TBXT: variants seen among roughly 807,000 people sequenced by gnomAD.
TBXT encodes T-box transcription factor T.
TBXT carries 19 observed loss-of-function variants against 41.1 expected under a neutral mutation model. The ratio of observed to expected loss-of-function variants is 0.46; its 90% CI spans 0.32 to 0.68. The LOEUF is 0.68. TBXT is among the 30% of genes least tolerant of loss of function. TBXT has a pLI of 0.03. For synonymous variants in TBXT, 213 were observed against 238.9 expected (o/e 0.89, Z 1.00); for missense variants, 536 against 582.0 (o/e 0.92, Z 0.81).
Position 166,157,959 on chromosome 6 carries a change from T to G in TBXT, c.*356A>C. On this transcript the variant is annotated 3_prime_UTR_variant, in exon 8 of 8. Transcript: ENST00000366876. Reference sequence around the variant, plus strand: ...AAGTAGGACTGGTGGAGTTTACAAATTCTGGTGTGCCAAAGTTGCCAATAC... The same window carrying G: ...AAGTAGGACTGGTGGAGTTTACAAAGTCTGGTGTGCCAAAGTTGCCAATAC... 2.6e-6 allele frequency: 1 copy of G among 378,518 alleles called. No homozygotes were observed. The highest frequency in any genetic ancestry group is 5.0e-6 in the Non-Finnish European group (1 of 200,790). 23.4% of individuals were successfully genotyped at this position (378,518 alleles called of 1,614,324 possible).
Position 166,166,743 on chromosome 6 carries a change from C to G in TBXT, c.320G>C (p.Gly107Ala). 1.9e-6 allele frequency: 3 copies of G among 1,613,832 alleles called. No homozygotes were observed. The highest frequency in any genetic ancestry group is 2.5e-6 in the Non-Finnish European group (3 of 1,180,044). ...ADNHRWKYVN[G>A]EWVPGGKPEP... is the part of the protein sequence containing the mutation. The stretch of plus-strand genomic sequence containing the variant: ...CGGCTTGCCCCCCGGCACCCATTCC[C>G]CGTTCACGTACTTCCAGCGGTGGTT... Residue 107 changes from glycine to alanine, a missense_variant, in exon 2 of 8, where the codon GGG (glycine) becomes GCG (alanine). Coordinates refer to ENST00000366876, the MANE Select transcript of TBXT (RefSeq NM_001366285.2).
At chr6:166,161,877 C>A (rs1778967182) in intron 6 of TBXT, among the ~76,000 whole-genome samples, 2 of 152,190 alleles carry the variant, frequency 1.3e-5, no homozygotes, top group South Asian at 2.1e-4. Context: ...GAGCCGAGAT[C>A]GTGCGACTGC....
rs767203205 is a variant in TBXT, at chr6:166,157,940, G to T, written c.*375C>A. 5.5e-6 allele frequency: 2 copies of T among 366,470 alleles called. No individual in the cohort carries two copies. Among genetic ancestry groups the T allele is most frequent in the Non-Finnish European group, 1.0e-5 (2 of 193,076 alleles). The allele number at this position is 366,470 out of a possible 1,614,324, so 22.7% of individuals were successfully genotyped here. The stretch of plus-strand genomic sequence containing the variant: ...TGTGCTTTTTATCTCACTAAAGTAG[G>T]ACTGGTGGAGTTTACAAATTCTGGT... On this transcript the variant is annotated 3_prime_UTR_variant, in exon 8 of 8. Coordinates refer to ENST00000366876, the MANE Select transcript of TBXT (RefSeq NM_001366285.2).
intron 7 of TBXT, 143 bp downstream of exon 7, chr6:166,160,694 C>A (rs1778925809): frequency 1.6e-6 from 2 of 1,225,812 alleles, no homozygotes; most frequent in Middle Eastern, 5.1e-4. Flanking sequence ...GCATAGCTGG[C>A]TAATAAAGAA....
chr6:166,161,733 T>C (rs529498535), intron 6 of TBXT, among the ~76,000 whole-genome samples: 4 of 152,236 alleles, frequency 2.6e-5, no homozygotes, highest in East Asian at 1.9e-4. Flanking sequence ...CCATCCTGGC[T>C]AACACGGTGA....
Position 166,162,626 on chromosome 6 carries a change from G to T in TBXT, c.731-3C>A. The T allele has an allele frequency of 6.2e-7, 1 of 1,609,414 alleles. No homozygotes were observed. The highest frequency in any genetic ancestry group is 8.5e-7 in the Non-Finnish European group (1 of 1,177,618). ...TCCAGGAAGAAGCCACCCCCCTGCT[G>T]TGAGAAAAGACAGTGCTGAGTAACC... On this transcript the variant is annotated splice_region_variant and splice_polypyrimidine_tract_variant and intron_variant, in intron 5 of 7. Coordinates refer to ENST00000366876, the MANE Select transcript of TBXT (RefSeq NM_001366285.2).
rs751580961 is a variant in TBXT, at chr6:166,158,272, G to A, written c.*43C>T. On this transcript the variant is annotated 3_prime_UTR_variant, in exon 8 of 8. Transcript: ENST00000366876. ...CAATCCAGTCACCACTGGCTGCCAC[G>A]ACAAAAAGTCACTGCATCTTTCGGG... 30 of 1,613,944 alleles carry A rather than the reference G, an allele frequency of 1.9e-5. No homozygotes were observed. Among genetic ancestry groups the A allele is most frequent in the Non-Finnish European group, 2.0e-5 (24 of 1,180,026 alleles).
chr6:166,159,182 C>T (rs1172332291), intron 7 of TBXT, among the ~76,000 whole-genome samples: 1 of 152,048 alleles, frequency 6.6e-6, no homozygotes, highest in Non-Finnish European at 1.5e-5. Flanking sequence ...AACAAACACA[C>T]AAAACAGAAA....
intron 6 of TBXT, among the ~76,000 whole-genome samples, chr6:166,161,872 G>A (rs796396864): frequency 1.3e-5 from 2 of 152,204 alleles, no homozygotes; most frequent in Non-Finnish European, 2.9e-5. Context: ...GCAGTGAGCC[G>A]AGATCGTGCG....
intron 7 of TBXT, among the ~76,000 whole-genome samples, chr6:166,159,159 T>C (rs1168838959): frequency 6.6e-6 from 1 of 151,984 alleles, no homozygotes; most frequent in African/African-American, 2.4e-5. Context: ...GCAACAAGAG[T>C]GAAACTCCGT....
chr6:166,159,939 T>C (rs1332315718), intron 7 of TBXT, among the ~76,000 whole-genome samples: 1 of 126,166 alleles, frequency 7.9e-6, no homozygotes, highest in Non-Finnish European at 1.7e-5. Context: ...ATTGTTGCTC[T>C]GTTTCTAACC....
At chr6:166,167,174 G>A (rs1344332796) in intron 1 of TBXT, among the ~76,000 whole-genome samples, 1 of 152,252 alleles carries the variant, frequency 6.6e-6, no homozygotes, top group East Asian at 1.9e-4. Context: ...TCGGGACACC[G>A]AAGTGCGCGT....
rs780253490 is a variant in TBXT at position 166,158,513 on chromosome 6, C to A, written c.1113G>T (p.Gly371=). Residue 371 remains glycine (G), a synonymous_variant, in exon 8 of 8, where the codon GGG becomes GGT. Coordinates refer to ENST00000366876, the MANE Select transcript of TBXT (RefSeq NM_001366285.2). ...PGSQAAAVSN[G]LGAQFFRGSP... ...AGCCCCGGAAGAACTGGGCCCCCAGCCCGTTGGACACGGCTGCTGCCTGGG... is the reference window on the plus strand; with the variant it reads ...AGCCCCGGAAGAACTGGGCCCCCAGACCGTTGGACACGGCTGCTGCCTGGG... 13 of 1,607,894 alleles carry A rather than the reference C, an allele frequency of 8.1e-6. No individual in the cohort carries two copies. The highest frequency in any genetic ancestry group is 1.6e-4 in the Middle Eastern group (1 of 6,062).
chr6:166,166,955 A>G (rs1263883454), intron 1 of TBXT, 99 bp from the exon 2 acceptor site: 1 of 1,585,556 alleles, frequency 6.3e-7, no homozygotes, highest in East Asian at 2.2e-5. Flanking sequence ...CGGGGCACAG[A>G]GGAGCCCCCT....
rs561549879 is a variant in TBXT, at chr6:166,159,029, G to A, written c.1038-441C>T. ...CTCTACTAAATACAAAAAATTGGCTGGGCATGGTGGCACATGCCTGTAATC... is the reference window on the plus strand; with the variant it reads ...CTCTACTAAATACAAAAAATTGGCTAGGCATGGTGGCACATGCCTGTAATC... On this transcript the variant is annotated intron_variant, in intron 7 of 7. Transcript: ENST00000366876. 7.5e-4 allele frequency among the ~76,000 whole-genome samples: 114 copies of A among 152,176 alleles called. 1 individual carries two copies. The highest frequency in any genetic ancestry group is 1.2e-3 in the Non-Finnish European group (80 of 68,030).
At chr6:166,164,735 C>T in intron 4 of TBXT, 65 bp downstream of exon 4, 1 of 1,609,312 alleles carries the variant, frequency 6.2e-7, no homozygotes, top group Non-Finnish European at 8.5e-7. Flanking sequence ...AGAGTATGTG[C>T]AGCAATATTT....
At chr6:166,164,945 A>G (rs1042188409) in intron 3 of TBXT, 84 bp from the exon 4 acceptor site, 1 of 1,091,288 alleles carries the variant, frequency 9.2e-7, no homozygotes, top group Non-Finnish European at 1.4e-6. Flanking sequence ...GAGAAATGCC[A>G]GTACCACTTT....
intron 6 of TBXT, among the ~76,000 whole-genome samples, chr6:166,161,345 A>C (rs924327712): frequency 6.6e-6 from 1 of 152,188 alleles, no homozygotes; most frequent in African/African-American, 2.4e-5. Context: ...AGAAACCATT[A>C]CTCCAGGCAA....
chr6:166,165,612 G>A, intron 3 of TBXT, 94 bp downstream of exon 3: 1 of 1,598,706 alleles, frequency 6.3e-7, no homozygotes, highest in Non-Finnish European at 8.6e-7. Context: ...TCTCAGTGCG[G>A]GTTAGCGCGT....
Sources: gnomAD v4.1 joint callset for allele counts (sites outside exome capture counted in the v4.1 genomes callset) on GRCh38, gnomAD v4.1.1 for gene constraint, MANE v1.5 for transcripts, NCBI Gene and HGNC (gene_info 2026-07-23, HGNC 2026-07-21) for gene names.